The following BLTP3B variants were observed in gnomAD, a reference collection of about 807,000 sequenced individuals.
The protein encoded by BLTP3B is UHRF1 (ICBP90) binding protein 1-like.
At chr12:100,084,932 G>A in the BLTP3B span, among the ~76,000 whole-genome samples, 10 of 151,976 alleles carry the variant, frequency 6.6e-5, no homozygotes, top group African/African-American at 2.4e-4. Flanking sequence ...CATATGACTC[G>A]TCACCCTTCA....
the BLTP3B span, chr12:100,039,690 C>A: frequency 5.6e-6 from 9 of 1,614,088 alleles, no homozygotes; most frequent in South Asian, 6.6e-5. Context: ...TTGCGTGACA[C>A]TGCGTTGTTT....
At chr12:100,062,240 A>G in the BLTP3B span, among the ~76,000 whole-genome samples, 1 of 152,240 alleles carries the variant, frequency 6.6e-6, no homozygotes, top group Admixed American at 6.5e-5. Context: ...TAACAAATGA[A>G]TATACTTACG....
chr12:100,091,831 A>T, the BLTP3B span, among the ~76,000 whole-genome samples: 1 of 145,686 alleles, frequency 6.9e-6, no homozygotes. Context: ...TTTTAGACAG[A>T]GTCTTGCTCT....
chr12:100,135,430 G>C, the BLTP3B span, among the ~76,000 whole-genome samples: 2 of 151,588 alleles, frequency 1.3e-5, no homozygotes, highest in African/African-American at 2.4e-5. Context: ...CACCACGCTC[G>C]GCCAATTTTG....
At chr12:100,137,088 G>C in the BLTP3B span, among the ~76,000 whole-genome samples, 1 of 152,220 alleles carries the variant, frequency 6.6e-6, no homozygotes, top group Non-Finnish European at 1.5e-5. Context: ...TAGGATTATA[G>C]GCATAAGCCA....
chr12:100,088,966 T>C, the BLTP3B span: 2 of 1,497,872 alleles, frequency 1.3e-6, no homozygotes, highest in East Asian at 4.9e-5. Flanking sequence ...AGATGAGAAA[T>C]CACTAAATGA....
the BLTP3B span, chr12:100,037,540 T>A: frequency 6.5e-7 from 1 of 1,547,728 alleles, no homozygotes; most frequent in Non-Finnish European, 8.6e-7. Flanking sequence ...TGTCTTTTCA[T>A]GAAAATAAAA....
At chr12:100,103,876 T>C in the BLTP3B span, 12 of 1,544,584 alleles carry the variant, frequency 7.8e-6, no homozygotes, top group Non-Finnish European at 1.1e-5. Context: ...AATGTATATA[T>C]ATAAATGTTT....
chr12:100,099,875 C>G, the BLTP3B span, among the ~76,000 whole-genome samples: 1 of 150,758 alleles, frequency 6.6e-6, no homozygotes, highest in Middle Eastern at 3.4e-3. Context: ...CTGCAGTGAG[C>G]TGTGATCATG....
chr12:100,041,682 G>T, the BLTP3B span, among the ~76,000 whole-genome samples: 2 of 151,946 alleles, frequency 1.3e-5, no homozygotes, highest in Non-Finnish European at 2.9e-5. Context: ...TGATCCACCC[G>T]CCTCGGCTTC....
the BLTP3B span, among the ~76,000 whole-genome samples, chr12:100,040,694 C>T: frequency 3.3e-5 from 5 of 151,662 alleles, no homozygotes; most frequent in African/African-American, 1.2e-4. Context: ...TCAAAAACAA[C>T]AACAACAACA....
At chr12:100,104,863 T>G in the BLTP3B span, among the ~76,000 whole-genome samples, 3 of 134,484 alleles carry the variant, frequency 2.2e-5, no homozygotes, top group Admixed American at 2.3e-4. Context: ...TCAATCCCTT[T>G]TACAATAACT....
the BLTP3B span, among the ~76,000 whole-genome samples, chr12:100,138,050 C>T: frequency 6.6e-6 from 1 of 152,184 alleles, no homozygotes; most frequent in Non-Finnish European, 1.5e-5. Flanking sequence ...TAGCTCCCAA[C>T]CAGGAGTAAT....
At chr12:100,129,802 T>C in the BLTP3B span, among the ~76,000 whole-genome samples, 7 of 152,336 alleles carry the variant, frequency 4.6e-5, no homozygotes, top group South Asian at 4.1e-4. Context: ...AACTGTAATA[T>C]TGGAAATTAA....
the BLTP3B span, among the ~76,000 whole-genome samples, chr12:100,105,316 T>C: frequency 1.8e-4 from 27 of 152,030 alleles, no homozygotes; most frequent in Admixed American, 1.6e-3. Flanking sequence ...GAATAAAGTA[T>C]TCTGTTTCTG....
chr12:100,046,300 A>G, the BLTP3B span, among the ~76,000 whole-genome samples: 2 of 152,190 alleles, frequency 1.3e-5, no homozygotes, highest in African/African-American at 4.8e-5. Context: ...AGCACTATTC[A>G]CAATAGCAAA....
the BLTP3B span, chr12:100,084,392 A>T: frequency 1.5e-6 from 1 of 677,814 alleles, no homozygotes; most frequent in South Asian, 2.6e-5. Context: ...ACACACACAC[A>T]CACACACACA....
the BLTP3B span, among the ~76,000 whole-genome samples, chr12:100,080,110 G>A: frequency 1.1e-3 from 160 of 152,326 alleles, no homozygotes; most frequent in African/African-American, 3.5e-3. Flanking sequence ...AGTGTGGAAG[G>A]GAAATGTGGG....
At chr12:100,129,096 CTACACATACAG>C in the BLTP3B span, among the ~76,000 whole-genome samples, 1 of 151,718 alleles carries the variant, frequency 6.6e-6, no homozygotes, top group Admixed American at 6.6e-5. Context: ...AGCAAGCAGT[CTACACATACAG>C]ATTATCAAAC....
Sources: allele counts gnomAD v4.1 joint callset (sites outside exome capture counted in the v4.1 genomes callset), GRCh38; gene constraint gnomAD v4.1.1; transcripts MANE v1.5; gene names NCBI Gene and HGNC (gene_info 2026-07-23, HGNC 2026-07-21).